Variants in HSPA12A observed in about 807,000 individuals in gnomAD.
HSPA12A encodes the protein heat shock protein family A (Hsp70) member 12A, also known as heat shock 70 kDa protein 12A.
Under a neutral mutation model 69.2 loss-of-function variants are expected in HSPA12A, and 28 were observed. That is an observed-to-expected ratio of 0.40 (90% CI 0.30 to 0.55). The LOEUF is 0.55. Ranked by LOEUF, HSPA12A falls within the 20% of genes least tolerant of loss-of-function variation. The pLI is 0.38. For synonymous variants in HSPA12A, 345 were observed against 370.5 expected, an observed-to-expected ratio of 0.93 and a Z score of 0.79; for missense variants, 686 against 900.7, an observed-to-expected ratio of 0.76 and a Z score of 3.05.
rs1849489169 is a variant in HSPA12A, at chr10:116,683,771, G to A, written c.835+20C>T. On this transcript the variant is annotated intron_variant, in intron 7 of 11. Coordinates refer to ENST00000369209, the MANE Select transcript of HSPA12A (RefSeq NM_025015.3). Reference sequence around the variant, plus strand: ...TGGGAAGGAAGGAGAGCAGGAGGGGGAGAGAGAGAGCAGAGGTACCCTGTG... The same window carrying A: ...TGGGAAGGAAGGAGAGCAGGAGGGGAAGAGAGAGAGCAGAGGTACCCTGTG... 29 of 1,499,656 alleles carry A rather than the reference G, an allele frequency of 1.9e-5. No individual in the cohort carries two copies. The highest frequency in any genetic ancestry group is 2.6e-5 in the Non-Finnish European group (29 of 1,104,884). 92.9% of individuals were successfully genotyped at this position (1,499,656 alleles called of 1,614,324 possible).
At chr10:116,791,957 G>A (rs558479020) in intron 2 of HSPA12A, among the ~76,000 whole-genome samples, 1 of 152,196 alleles carries the variant, frequency 6.6e-6, no homozygotes, top group East Asian at 1.9e-4. Flanking sequence ...CTGCCCAGGT[G>A]TCTCTGTTCT....
intron 2 of HSPA12A, chr10:116,832,716 C>G (rs1411519471): frequency 7.2e-5 from 11 of 152,130 alleles, no homozygotes; most frequent in Admixed American, 7.2e-4. Flanking sequence ...TGCTATCAGG[C>G]CGAAAAAATA....
chr10:116,720,546 G>A (rs782219220), intron 1 of HSPA12A, among the ~76,000 whole-genome samples: 22 of 152,246 alleles, frequency 1.4e-4, no homozygotes, highest in Non-Finnish European at 3.1e-4. Context: ...AAGGCCAGAC[G>A]TGCCATCCTG....
intron 1 of HSPA12A, among the ~76,000 whole-genome samples, chr10:116,836,943 T>C (rs1845724417): frequency 6.6e-6 from 1 of 152,094 alleles, no homozygotes; most frequent in South Asian, 2.1e-4. Context: ...GGGAAGGGTC[T>C]TCGTTTCTCC....
intron 1 of HSPA12A, chr10:116,849,451 T>C: frequency 7.2e-7 from 1 of 1,381,198 alleles, no homozygotes; most frequent in Non-Finnish European, 9.5e-7. Context: ...AGGAAGAACC[T>C]AGGCCTGGAA....
chr10:116,730,472 G>T (rs1851115968), intron 1 of HSPA12A, among the ~76,000 whole-genome samples: 1 of 152,222 alleles, frequency 6.6e-6, no homozygotes, highest in Non-Finnish European at 1.5e-5. Context: ...GGTGTTGAGT[G>T]CTATTTTATA....
chr10:116,679,538 G>A lies in HSPA12A; in HGVS notation c.1251C>T (p.Arg417=), dbSNP rs201032256. 38 of 1,614,052 alleles carry A rather than the reference G, an allele frequency of 2.4e-5. No individual in the cohort carries two copies. The highest frequency in any genetic ancestry group is 6.7e-5 in the African/African-American group (5 of 74,942). Residue 417 remains arginine, a synonymous_variant, in exon 10 of 12, where the codon CGC becomes CGT. Coordinates refer to ENST00000369209, the MANE Select transcript of HSPA12A (RefSeq NM_025015.3). The stretch of plus-strand genomic sequence containing the variant: ...GCAAGGCGTGCTCCACACTGTGCCC[G>A]CGGAACTTCTTGTAGTAGTCAATGA... ...FSFIDYYKKF[R]GHSVEHALRK...
chr10:116,734,182 A>G (rs1851241936), intron 1 of HSPA12A, among the ~76,000 whole-genome samples: 1 of 145,314 alleles, frequency 6.9e-6, no homozygotes, highest in African/African-American at 2.9e-5. Flanking sequence ...CAAGACAGGC[A>G]GATCACACCT....
At chr10:116,724,466 T>G (rs1408741971) in intron 1 of HSPA12A, among the ~76,000 whole-genome samples, 1 of 152,126 alleles carries the variant, frequency 6.6e-6, no homozygotes, top group Non-Finnish European at 1.5e-5. Flanking sequence ...TCTCCTCTTC[T>G]AAAAGAGAAG....
At chr10:116,687,568 C>T (rs551748108) in intron 6 of HSPA12A, among the ~76,000 whole-genome samples, 6 of 152,310 alleles carry the variant, frequency 3.9e-5, no homozygotes, top group East Asian at 1.9e-4. Context: ...GCTAAAGTAT[C>T]GCCCAGGCTC....
chr10:116,791,296 T>C (rs116727230), intron 2 of HSPA12A, among the ~76,000 whole-genome samples: 2,090 of 152,328 alleles, frequency 0.014, 21 homozygotes, highest in African/African-American at 0.024. Flanking sequence ...ATCTTTTCCA[T>C]AGATGAAGCT....
At chr10:116,836,761 C>T (rs550974048) in intron 1 of HSPA12A, among the ~76,000 whole-genome samples, 15 of 135,756 alleles carry the variant, frequency 1.1e-4, no homozygotes, top group Middle Eastern at 7.0e-3. Flanking sequence ...TTGTGGTAAA[C>T]GAACCGAACA....
At chr10:116,777,553 A>C (rs1051992781) in intron 2 of HSPA12A, among the ~76,000 whole-genome samples, 2 of 152,166 alleles carry the variant, frequency 1.3e-5, no homozygotes, top group Non-Finnish European at 2.9e-5. Context: ...TGGACTTCCC[A>C]GGTGTACATA....
At position 116,737,932 on chromosome 10, in the gene HSPA12A, G is replaced by A. The variant is rs180784536; in HGVS notation, c.40+4498C>T. 3.3e-5 allele frequency among the ~76,000 whole-genome samples: 5 copies of A among 152,260 alleles called. No individual in the cohort carries two copies. In the East Asian group the frequency reaches 5.8e-4, roughly 18 times the overall value. ...CCTGTGCTTCCTTGGTCGTCTCCTC[G>A]CTGGCCCCGCTCACTCCTGGGGATG... On this transcript the variant is annotated intron_variant, in intron 1 of 11. Coordinates refer to ENST00000369209, the MANE Select transcript of HSPA12A (RefSeq NM_025015.3).
chr10:116,692,432 G>A lies in HSPA12A; in HGVS notation c.582C>T (p.Asn194=). ...LSDQAGSEFE[N]SDVRWVITVP... Reference sequence around the variant, plus strand: ...CCGTGATGACCCATCTGACATCAGAGTTCTCGAACTCCGAACCCGCCTGGT... The same window carrying A: ...CCGTGATGACCCATCTGACATCAGAATTCTCGAACTCCGAACCCGCCTGGT... The change falls in exon 6 of 12, where the codon AAC becomes AAT. Residue 194 remains asparagine, a synonymous_variant. Transcript: ENST00000369209. The A allele has an allele frequency of 6.2e-7, 1 of 1,614,130 alleles. No individual in the cohort carries two copies. Among genetic ancestry groups the A allele is most frequent in the South Asian group, 1.1e-5 (1 of 91,070 alleles).
chr10:116,727,141 G>A (rs184968654), intron 1 of HSPA12A, among the ~76,000 whole-genome samples: 2 of 152,302 alleles, frequency 1.3e-5, no homozygotes, highest in East Asian at 1.9e-4. Flanking sequence ...GTTATCTATT[G>A]TAATCCAAAT....
intron 2 of HSPA12A, among the ~76,000 whole-genome samples, chr10:116,757,385 C>A (rs145075444): frequency 6.6e-6 from 1 of 152,152 alleles, no homozygotes; most frequent in Non-Finnish European, 1.5e-5. Context: ...AATCCAGACA[C>A]CAGAAACCGT....
intron 2 of HSPA12A, chr10:116,750,399 C>T: frequency 1.4e-6 from 1 of 695,606 alleles, no homozygotes; most frequent in Non-Finnish European, 2.7e-6. Context: ...GAAGGGAGCA[C>T]AGATGGAGGC....
chr10:116,726,413 A>C (rs1447282868), intron 1 of HSPA12A, among the ~76,000 whole-genome samples: 3 of 151,776 alleles, frequency 2.0e-5, no homozygotes, highest in Non-Finnish European at 4.4e-5. Context: ...ATGCACATTC[A>C]GAGTTATATA....
Sources: allele counts gnomAD v4.1 joint callset (sites outside exome capture counted in the v4.1 genomes callset), GRCh38; gene constraint gnomAD v4.1.1; transcripts MANE v1.5; gene names NCBI Gene and HGNC (gene_info 2026-07-23, HGNC 2026-07-21).